Variants in GRIK2 observed in about 807,000 individuals in gnomAD.
The protein encoded by GRIK2 is glutamate receptor ionotropic, kainate 2.
A neutral mutation model predicts 100.3 loss-of-function variants in GRIK2; 32 were observed. The observed-to-expected ratio is 0.32, with a 90% CI of 0.24 to 0.43. The LOEUF (loss-of-function observed/expected upper bound fraction) is 0.43. GRIK2 is among the 20% of genes least tolerant of loss of function. GRIK2 has a pLI of 1.00. For synonymous variants in GRIK2, 417 were observed against 389.4 expected, an observed-to-expected ratio of 1.07 and a Z score of -0.83; for missense variants, 843 against 1,114.9, an observed-to-expected ratio of 0.76 and a Z score of 3.47.
At chr6:101,977,852 A>G (rs1466447992) in intron 14 of GRIK2, among the ~76,000 whole-genome samples, 1 of 151,944 alleles carries the variant, frequency 6.6e-6, no homozygotes, top group African/African-American at 2.4e-5. Flanking sequence ...GAAATACTCT[A>G]TTTAGAAAAT....
intron 3 of GRIK2, 85 bp downstream of exon 3, chr6:101,622,201 C>G (rs925472407): frequency 3.9e-6 from 3 of 761,278 alleles, no homozygotes; most frequent in Admixed American, 2.4e-5. Flanking sequence ...TTTCAACATA[C>G]AGTTAATAAG....
At chr6:101,652,679 G>A (rs1345999642) in intron 4 of GRIK2, among the ~76,000 whole-genome samples, 1 of 152,102 alleles carries the variant, frequency 6.6e-6, no homozygotes, top group Non-Finnish European at 1.5e-5. Flanking sequence ...GAATAAATCA[G>A]GAGAGAAGGA....
At chr6:101,996,327 A>T (rs1272086696) in intron 14 of GRIK2, among the ~76,000 whole-genome samples, 1 of 152,084 alleles carries the variant, frequency 6.6e-6, no homozygotes, top group African/African-American at 2.4e-5. Flanking sequence ...GCTTGACAAC[A>T]GAGTGTGTAT....
rs529204476 is a variant in GRIK2, at chr6:101,907,777, A to T, written c.1749-16824A>T. Among the ~76,000 whole-genome samples the T allele has an allele frequency of 1.4e-4, 21 of 151,830 alleles. No homozygotes were observed. The East Asian group carries it at 4.1e-3, about 29-fold the overall frequency. On this transcript the variant is annotated intron_variant, in intron 12 of 16. Coordinates refer to ENST00000369134, the MANE Select transcript of GRIK2 (RefSeq NM_021956.5). ...GATCTTAAAATGGTTTCAATCCATA[A>T]AATATGACTACGACATAAACTTTAG...
intron 2 of GRIK2, among the ~76,000 whole-genome samples, chr6:101,585,512 G>A (rs1426148162): frequency 1.3e-5 from 2 of 151,964 alleles, no homozygotes; most frequent in Non-Finnish European, 2.9e-5. Context: ...TCCTCAAGAG[G>A]ATACAATACA....
At chr6:101,410,808 A>T (rs1775854561) in intron 2 of GRIK2, among the ~76,000 whole-genome samples, 1 of 152,082 alleles carries the variant, frequency 6.6e-6, no homozygotes, top group Non-Finnish European at 1.5e-5. Context: ...AAAAATGTAA[A>T]GTTTATTGGG....
intron 12 of GRIK2, among the ~76,000 whole-genome samples, chr6:101,917,812 A>G (rs1270404963): frequency 6.6e-6 from 1 of 151,614 alleles, no homozygotes; most frequent in Non-Finnish European, 1.5e-5. Flanking sequence ...AGTAAAAAGT[A>G]GTAAGAGATC....
intron 2 of GRIK2, among the ~76,000 whole-genome samples, chr6:101,583,757 T>A (rs1778215375): frequency 6.6e-6 from 1 of 152,156 alleles, no homozygotes; most frequent in East Asian, 1.9e-4. Context: ...CAACTGGCTT[T>A]TTTTGTCCTT....
chr6:102,047,787 A>G (rs1452298323), intron 15 of GRIK2, among the ~76,000 whole-genome samples: 1 of 151,896 alleles, frequency 6.6e-6, no homozygotes, highest in African/African-American at 2.4e-5. Context: ...TCCTACCCAA[A>G]GCTATCTACA....
At chr6:101,609,810 T>C (rs1165053131) in intron 2 of GRIK2, among the ~76,000 whole-genome samples, 1 of 151,698 alleles carries the variant, frequency 6.6e-6, no homozygotes, top group African/African-American at 2.4e-5. Context: ...CCCTTGGTCC[T>C]GTCAGAAGTA....
chr6:101,746,847 G>A (rs1369473615), intron 7 of GRIK2, among the ~76,000 whole-genome samples: 3 of 151,906 alleles, frequency 2.0e-5, no homozygotes, highest in Non-Finnish European at 4.4e-5. Flanking sequence ...GTAATACCCC[G>A]CTTGTTGATA....
chr6:101,732,444 T>C (rs1005398611), intron 7 of GRIK2, among the ~76,000 whole-genome samples: 4 of 152,140 alleles, frequency 2.6e-5, no homozygotes, highest in Admixed American at 2.0e-4. Flanking sequence ...TTGGTTGTTT[T>C]CTACTACTAT....
chr6:101,703,842 AAAG>A (rs557779474), intron 7 of GRIK2, among the ~76,000 whole-genome samples: 25 of 151,658 alleles, frequency 1.6e-4, no homozygotes, highest in Admixed American at 5.9e-4. Context: ...ATAAAAAAAA[AAAG>A]AAGACAGAGT....
chr6:101,518,578 A>G (rs2247215), intron 2 of GRIK2, among the ~76,000 whole-genome samples: 39,300 of 152,008 alleles, frequency 0.26, 5,633 homozygotes, highest in Middle Eastern at 0.31. Flanking sequence ...AAAGGTACCA[A>G]ATAGCATGTC....
chr6:101,794,228 C>T (rs1302867574), intron 7 of GRIK2, among the ~76,000 whole-genome samples: 1 of 152,112 alleles, frequency 6.6e-6, no homozygotes, highest in African/African-American at 2.4e-5. Context: ...GTTCTGTGCC[C>T]ACTGTCTGGC....
chr6:101,716,267 A>T (rs997161934), intron 7 of GRIK2, among the ~76,000 whole-genome samples: 1 of 151,760 alleles, frequency 6.6e-6, no homozygotes, highest in African/African-American at 2.4e-5. Flanking sequence ...GATAATAAAT[A>T]ATAAATATAG....
chr6:102,044,972 G>A (rs573298549), intron 15 of GRIK2, among the ~76,000 whole-genome samples: 1 of 151,906 alleles, frequency 6.6e-6, no homozygotes, highest in East Asian at 1.9e-4. Flanking sequence ...ATAGTATTTG[G>A]TATATAATAT....
intron 2 of GRIK2, among the ~76,000 whole-genome samples, chr6:101,436,974 T>C (rs957902972): frequency 6.6e-6 from 1 of 151,128 alleles, no homozygotes; most frequent in Admixed American, 6.6e-5. Context: ...TAGTTTACAG[T>C]TATGTATTGC....
At chr6:101,667,395 C>T (rs1163875944) in intron 4 of GRIK2, among the ~76,000 whole-genome samples, 1 of 152,046 alleles carries the variant, frequency 6.6e-6, no homozygotes, top group Non-Finnish European at 1.5e-5. Flanking sequence ...AAAACAGAAG[C>T]AAAGGAAGTA....
Sources: gnomAD v4.1 joint callset for allele counts (sites outside exome capture counted in the v4.1 genomes callset) on GRCh38, gnomAD v4.1.1 for gene constraint, MANE v1.5 for transcripts, NCBI Gene and HGNC (gene_info 2026-07-23, HGNC 2026-07-21) for gene names.